Variants in VPS13A observed in about 807,000 individuals in gnomAD.
VPS13A encodes the protein intermembrane lipid transfer protein VPS13A.
A neutral mutation model predicts 390.9 loss-of-function variants in VPS13A; 264 were observed. The ratio of observed to expected loss-of-function variants is 0.68; its 90% CI spans 0.61 to 0.75. The LOEUF (loss-of-function observed/expected upper bound fraction) is 0.75, where lower values mean the gene tolerates loss of function less well. Ranked by LOEUF, VPS13A falls within the 30% of genes least tolerant of loss-of-function variation. The pLI is 0.00. For synonymous variants in VPS13A, 1,231 were observed against 1,227.1 expected, an observed-to-expected ratio of 1.00 and a Z score of -0.07; for missense variants, 3,409 against 3,733.9, an observed-to-expected ratio of 0.91 and a Z score of 2.27.
At chr9:77,236,981 C>G (rs1158708506) in intron 17 of VPS13A, among the ~76,000 whole-genome samples, 1 of 152,186 alleles carries the variant, frequency 6.6e-6, no homozygotes, top group Non-Finnish European at 1.5e-5. Flanking sequence ...ACTCCACCTC[C>G]TGAGTTCCAG....
intron 13 of VPS13A, among the ~76,000 whole-genome samples, chr9:77,224,837 A>G (rs1366893633): frequency 2.0e-5 from 3 of 152,214 alleles, no homozygotes; most frequent in South Asian, 4.1e-4. Context: ...TACGCTACAG[A>G]TAAATCAGTT....
At chr9:77,260,955 G>T (rs1418282129) in intron 23 of VPS13A, among the ~76,000 whole-genome samples, 3 of 151,700 alleles carry the variant, frequency 2.0e-5, no homozygotes, top group African/African-American at 7.3e-5. Flanking sequence ...GTGGAGTGCA[G>T]TGGCGCAATC....
chr9:77,255,857 T>C (rs1160076999), intron 22 of VPS13A, among the ~76,000 whole-genome samples: 1 of 152,126 alleles, frequency 6.6e-6, no homozygotes, highest in Non-Finnish European at 1.5e-5. Context: ...ATGTTACCAC[T>C]TTCATTTCTG....
chr9:77,300,735 A>G (rs1300121468), intron 33 of VPS13A, among the ~76,000 whole-genome samples: 2 of 152,368 alleles, frequency 1.3e-5, no homozygotes, highest in East Asian at 1.9e-4. Context: ...GTCTCAAAAA[A>G]ACAAACCAAA....
chr9:77,388,442 TATC>T (rs1833778421), intron 68 of VPS13A, among the ~76,000 whole-genome samples: 4 of 152,170 alleles, frequency 2.6e-5, no homozygotes, highest in African/African-American at 7.2e-5. Context: ...GCAGAATATT[TATC>T]ATTCTCAATA....
chr9:77,205,596 T>A (rs1825592749), intron 4 of VPS13A, among the ~76,000 whole-genome samples, 188 bp downstream of exon 4: 2 of 151,872 alleles, frequency 1.3e-5, no homozygotes, highest in Non-Finnish European at 2.9e-5. Context: ...ATTTATTTAT[T>A]ATTATTTTTT....
chr9:77,221,599 T>C (rs1386299394), intron 13 of VPS13A, among the ~76,000 whole-genome samples: 1 of 152,162 alleles, frequency 6.6e-6, no homozygotes, highest in African/African-American at 2.4e-5. Flanking sequence ...TTCATGCAAA[T>C]AGTATGATTA....
intron 23 of VPS13A, among the ~76,000 whole-genome samples, chr9:77,260,644 C>G (rs1378842222): frequency 2.0e-5 from 3 of 152,002 alleles, no homozygotes; most frequent in Non-Finnish European, 4.4e-5. Flanking sequence ...CGTGAGCCAC[C>G]ACGCCCAGCC....
intron 23 of VPS13A, among the ~76,000 whole-genome samples, chr9:77,270,925 G>A (rs951077320): frequency 2.0e-5 from 3 of 152,020 alleles, no homozygotes; most frequent in Non-Finnish European, 4.4e-5. Flanking sequence ...AAAAAATGTA[G>A]GTTAAAATTT....
chr9:77,318,637 A>T (rs1486256112), intron 41 of VPS13A, 46 bp downstream of exon 41: 1 of 1,407,664 alleles, frequency 7.1e-7, no homozygotes, highest in African/African-American at 1.4e-5. Flanking sequence ...ATACGTATGG[A>T]ATATTATGAC....
chr9:77,245,002 C>T (rs1824723758), intron 19 of VPS13A, among the ~76,000 whole-genome samples: 1 of 152,120 alleles, frequency 6.6e-6, no homozygotes. Context: ...TTGTAGAAAG[C>T]TGAATTGGTT....
intron 22 of VPS13A, among the ~76,000 whole-genome samples, chr9:77,259,203 T>C (rs1219752777): frequency 6.6e-6 from 1 of 152,156 alleles, no homozygotes; most frequent in Non-Finnish European, 1.5e-5. Context: ...CTGCGTTAAG[T>C]TGAAGGCAAA....
intron 19 of VPS13A, among the ~76,000 whole-genome samples, chr9:77,245,779 A>G (rs1182499515): frequency 6.6e-6 from 1 of 152,156 alleles, no homozygotes; most frequent in East Asian, 1.9e-4. Context: ...TATTAGTGTT[A>G]TTTTTATAAA....
intron 24 of VPS13A, among the ~76,000 whole-genome samples, chr9:77,274,643 A>C (rs1826541939): frequency 1.3e-5 from 2 of 152,032 alleles, no homozygotes; most frequent in Non-Finnish European, 2.9e-5. Context: ...ACATATAAAA[A>C]TATATAACTA....
intron 47 of VPS13A, 125 bp from the exon 48 acceptor site, chr9:77,339,391 T>C (rs994603025): frequency 4.6e-6 from 4 of 878,538 alleles, no homozygotes; most frequent in Non-Finnish European, 6.9e-6. Context: ...GTAAGTCTTC[T>C]GACTTGTTCT....
intron 10 of VPS13A, among the ~76,000 whole-genome samples, chr9:77,215,436 T>G (rs1021647492): frequency 6.6e-6 from 1 of 152,230 alleles, no homozygotes. Context: ...TCAGAACAGA[T>G]GAGTTATCTG....
intron 23 of VPS13A, among the ~76,000 whole-genome samples, chr9:77,263,879 GT>G (rs1825889420): frequency 1.3e-5 from 2 of 152,098 alleles, no homozygotes; most frequent in Admixed American, 1.3e-4. Flanking sequence ...ATGGTTTTAG[GT>G]CTTACATTTA....
intron 15 of VPS13A, among the ~76,000 whole-genome samples, chr9:77,226,808 G>T (rs1308047182): frequency 1.3e-5 from 2 of 151,904 alleles, no homozygotes; most frequent in African/African-American, 2.4e-5. Context: ...CTTACAAAAA[G>T]AGCTTTATGC....
At chr9:77,367,944 A>T in intron 61 of VPS13A, 111 bp from the exon 62 acceptor site, 1 of 1,010,544 alleles carries the variant, frequency 9.9e-7, no homozygotes, top group South Asian at 1.4e-5. Flanking sequence ...AAAATGTACT[A>T]GAAGGAAAGG....
Sources: allele counts gnomAD v4.1 joint callset (sites outside exome capture counted in the v4.1 genomes callset), GRCh38; gene constraint gnomAD v4.1.1; transcripts MANE v1.5; gene names NCBI Gene and HGNC (gene_info 2026-07-23, HGNC 2026-07-21).